The following TRHDE variants were observed in gnomAD, a reference collection of about 807,000 sequenced individuals.
TRHDE encodes thyrotropin releasing hormone degrading enzyme.
Under a neutral mutation model 125.7 loss-of-function variants are expected in TRHDE, and 72 were observed. The ratio of observed to expected loss-of-function variants is 0.57; its 90% CI spans 0.47 to 0.70. The LOEUF is 0.70. TRHDE is among the 30% of genes least tolerant of loss of function. The pLI is 0.00. For missense variants in TRHDE, 1,110 were observed against 1,327.1 expected (o/e 0.84, Z 2.54); for synonymous variants, 509 against 509.1 (o/e 1.00, Z 0.00).
chr12:72,127,224 T>C (rs888529887), intron 2 of TRHDE, among the ~76,000 whole-genome samples: 4 of 152,312 alleles, frequency 2.6e-5, no homozygotes, highest in African/African-American at 4.8e-5. Context: ...GAAAAGAGAA[T>C]GCTTATACAC....
intron 2 of TRHDE, among the ~76,000 whole-genome samples, chr12:72,316,086 A>G (rs1270840724): frequency 6.6e-6 from 1 of 152,148 alleles, no homozygotes; most frequent in Non-Finnish European, 1.5e-5. Context: ...GATGTGGCCA[A>G]AGGGGTAGCT....
chr12:72,497,268 T>C (rs1400724780), intron 5 of TRHDE, among the ~76,000 whole-genome samples: 1 of 152,154 alleles, frequency 6.6e-6, no homozygotes, highest in Non-Finnish European at 1.5e-5. Flanking sequence ...TTCATATTTC[T>C]TTTAACAGGA....
At chr12:72,360,203 A>G (rs1871004792) in intron 2 of TRHDE, among the ~76,000 whole-genome samples, 1 of 151,806 alleles carries the variant, frequency 6.6e-6, no homozygotes, top group Non-Finnish European at 1.5e-5. Flanking sequence ...CATTAAAAAG[A>G]CCCAGAAAGT....
intron 17 of TRHDE, among the ~76,000 whole-genome samples, chr12:72,654,769 G>A (rs537417223): frequency 3.4e-4 from 52 of 152,116 alleles, no homozygotes; most frequent in Admixed American, 8.5e-4. Context: ...AAAGTTTGTT[G>A]AATTATTCCT....
At chr12:72,114,274 T>C (rs1875391612) in intron 2 of TRHDE, among the ~76,000 whole-genome samples, 1 of 152,054 alleles carries the variant, frequency 6.6e-6, no homozygotes, top group South Asian at 2.1e-4. Context: ...CTGCAACAAC[T>C]GAGGTGTTAG....
chr12:72,538,355 C>T (rs558801125), intron 6 of TRHDE, among the ~76,000 whole-genome samples: 1 of 152,076 alleles, frequency 6.6e-6, no homozygotes, highest in Non-Finnish European at 1.5e-5. Flanking sequence ...CCCAGTTTGC[C>T]TTCTGTTTTT....
intron 2 of TRHDE, among the ~76,000 whole-genome samples, chr12:72,353,011 ACC>A (rs1870653292): frequency 6.6e-6 from 1 of 151,410 alleles, no homozygotes; most frequent in African/African-American, 2.4e-5. Context: ...TAAAAAAATT[ACC>A]CAATACAACC....
intron 2 of TRHDE, among the ~76,000 whole-genome samples, chr12:72,265,163 C>T (rs1289539865): frequency 2.7e-5 from 4 of 150,744 alleles, no homozygotes; most frequent in Non-Finnish European, 5.9e-5. Flanking sequence ...CTTTATAATA[C>T]AAAGCATACT....
chr12:72,623,406 C>A (rs1873130975), intron 15 of TRHDE, among the ~76,000 whole-genome samples: 1 of 151,908 alleles, frequency 6.6e-6, no homozygotes, highest in South Asian at 2.1e-4. Context: ...CATTGCATCA[C>A]CATAATTTCT....
chr12:72,451,089 ATT>A (rs908926459), intron 3 of TRHDE, among the ~76,000 whole-genome samples: 7 of 151,814 alleles, frequency 4.6e-5, no homozygotes, highest in African/African-American at 1.7e-4. Context: ...TACTTTGTTG[ATT>A]GTTTCCTTTG....
At chr12:72,289,529 A>T (rs1880011242) in intron 2 of TRHDE, among the ~76,000 whole-genome samples, 1 of 152,174 alleles carries the variant, frequency 6.6e-6, no homozygotes, top group African/African-American at 2.4e-5. Flanking sequence ...AAAGTAGAAG[A>T]TTGCACATAA....
intron 2 of TRHDE, among the ~76,000 whole-genome samples, chr12:72,140,606 C>G (rs1388463734): frequency 1.3e-5 from 2 of 152,138 alleles, no homozygotes; most frequent in Non-Finnish European, 2.9e-5. Context: ...AGTTTGCCTT[C>G]TTTTGTCAAC....
chr12:72,206,906 A>G (rs973899393), intron 2 of TRHDE, among the ~76,000 whole-genome samples: 1 of 152,020 alleles, frequency 6.6e-6, no homozygotes, highest in African/African-American at 2.4e-5. Flanking sequence ...ATTGAACTTG[A>G]CACTAATGAC....
chr12:72,343,071 G>C (rs1043268619), intron 2 of TRHDE, among the ~76,000 whole-genome samples: 7 of 152,096 alleles, frequency 4.6e-5, no homozygotes, highest in Non-Finnish European at 1.0e-4. Context: ...TCAGAACCAG[G>C]ATTCTAAGCC....
At chr12:72,347,010 G>A (rs1870355860) in intron 2 of TRHDE, among the ~76,000 whole-genome samples, 1 of 152,090 alleles carries the variant, frequency 6.6e-6, no homozygotes, top group South Asian at 2.1e-4. Flanking sequence ...GTATGTGTGT[G>A]TCTGTATCCA....
chr12:72,562,109 G>A (rs980485491), intron 7 of TRHDE, 56 bp from the exon 8 acceptor site: 15 of 742,370 alleles, frequency 2.0e-5, no homozygotes, highest in Admixed American at 4.5e-5. Flanking sequence ...AAATAAATGT[G>A]TTTACTAGTT....
chr12:72,340,921 C>T (rs751805896), intron 2 of TRHDE, among the ~76,000 whole-genome samples: 1 of 152,070 alleles, frequency 6.6e-6, no homozygotes, highest in African/African-American at 2.4e-5. Flanking sequence ...AAGCTATCAC[C>T]TCCCACTGGG....
chr12:72,570,942 G>A (rs1870696380), intron 10 of TRHDE, among the ~76,000 whole-genome samples: 1 of 152,178 alleles, frequency 6.6e-6, no homozygotes, highest in African/African-American at 2.4e-5. Context: ...GCCACATTTA[G>A]AATGTTAAAA....
At chr12:72,604,024 T>TTTAC (rs1267102266) in intron 12 of TRHDE, among the ~76,000 whole-genome samples, 1 of 152,064 alleles carries the variant, frequency 6.6e-6, no homozygotes, top group African/African-American at 2.4e-5. Context: ...GAGTCTTGAA[T>TTTAC]TTACTTACAC....
Sources: gnomAD v4.1 joint callset for allele counts (sites outside exome capture counted in the v4.1 genomes callset) on GRCh38, gnomAD v4.1.1 for gene constraint, MANE v1.5 for transcripts, NCBI Gene and HGNC (gene_info 2026-07-23, HGNC 2026-07-21) for gene names.